The following TG variants were observed in gnomAD, a reference collection of about 807,000 sequenced individuals.
TG encodes the protein thyroglobulin.
In TG, 270 loss-of-function variants were observed where a neutral mutation model predicts 324.7. The ratio of observed to expected loss-of-function variants is 0.83; its 90% confidence interval spans 0.75 to 0.92. The LOEUF is 0.92. Among genes scored for constraint, TG ranks in the 40% least tolerant of loss-of-function variants. The pLI is 0.00. For missense variants in TG, 3,591 were observed against 3,456.4 expected, an observed-to-expected ratio of 1.04 and a Z score of -0.98; for synonymous variants, 1,401 against 1,327.0, an observed-to-expected ratio of 1.06 and a Z score of -1.21.
chr8:133,059,440 T>A (rs949589744), intron 41 of TG, among the ~76,000 whole-genome samples: 4 of 152,228 alleles, frequency 2.6e-5, no homozygotes, highest in African/African-American at 9.6e-5. Context: ...CTCCCAGGCC[T>A]CTGACCAGTT....
chr8:133,029,917 G>T lies in TG; in HGVS notation c.7133G>T (p.Arg2378Leu). The change falls in exon 41 of 48, where the codon CGG (arginine) becomes CTG (leucine). Residue 2378 changes from arginine to leucine, a missense_variant. Transcript: ENST00000220616. ...ATCCGAGGATTTGGCGGGGACCCTC[G>T]GCGCGTGTCCCTGGCAGCAGACCGT... ...THIRGFGGDP[R>L]RVSLAADRGG... 6.2e-7 allele frequency: 1 copy of T among 1,614,186 alleles called. No homozygotes were observed. The highest frequency in any genetic ancestry group is 8.5e-7 in the Non-Finnish European group (1 of 1,180,042).
intron 26 of TG, among the ~76,000 whole-genome samples, chr8:132,947,092 C>T (rs1413364005): frequency 1.3e-5 from 2 of 152,180 alleles, no homozygotes; most frequent in Non-Finnish European, 2.9e-5. Context: ...CAAGCCTGCA[C>T]CTTGCTGAGG....
chr8:133,049,377 T>C, intron 41 of TG: 1 of 312,224 alleles, frequency 3.2e-6, no homozygotes, highest in Non-Finnish European at 6.5e-6. Flanking sequence ...ATGCCTGGCA[T>C]TGCTCCAAGA....
chr8:132,996,912 T>C (rs1183466196), intron 35 of TG, among the ~76,000 whole-genome samples: 1 of 151,258 alleles, frequency 6.6e-6, no homozygotes, highest in Non-Finnish European at 1.5e-5. Flanking sequence ...GGTGTGAGAG[T>C]GGGATGGTAG....
At chr8:133,131,094 C>T (rs1050547293) in intron 45 of TG, among the ~76,000 whole-genome samples, 2 of 152,204 alleles carry the variant, frequency 1.3e-5, no homozygotes, top group African/African-American at 4.8e-5. Context: ...GGGCAAAGCC[C>T]GATTTTTTAC....
chr8:132,923,419 G>T lies in TG; in HGVS notation c.4610G>T (p.Gly1537Val). 1.9e-6 allele frequency: 3 copies of T among 1,614,166 alleles called. No homozygotes were observed. The highest frequency in any genetic ancestry group is 1.7e-5 in the Admixed American group (1 of 60,014). ...GQYRASQKDR[G>V]SGKAFCVDGE... ...TATCGAGCCAGCCAGAAGGACAGGG[G>T]CAGTGGGAAGGCCTTCTGTGTGGAC... is the stretch of plus-strand genomic sequence containing the variant. Residue 1537 changes from glycine (G) to valine (V), a missense_variant, in exon 22 of 48, where the codon GGC (glycine) becomes GTC (valine). Physicochemically the swap from Gly to Val is moderately radical, Grantham distance 109. Coordinates refer to ENST00000220616, the MANE Select transcript of TG (RefSeq NM_003235.5).
intron 45 of TG, among the ~76,000 whole-genome samples, chr8:133,121,034 A>T (rs1851101371): frequency 6.6e-6 from 1 of 152,100 alleles, no homozygotes; most frequent in Non-Finnish European, 1.5e-5. Flanking sequence ...CAACCCAGGG[A>T]ACCTCCCATG....
intron 43 of TG, among the ~76,000 whole-genome samples, chr8:133,096,977 A>G (rs991116776): frequency 1.3e-5 from 2 of 152,218 alleles, no homozygotes; most frequent in African/African-American, 4.8e-5. Flanking sequence ...GGATGTGGCT[A>G]ACCCTGGAAG....
chr8:132,966,516 T>C, intron 29 of TG, 44 bp from the exon 30 acceptor site: 1 of 1,612,472 alleles, frequency 6.2e-7, no homozygotes. Context: ...TCATATTCAC[T>C]AGAGTTAAAG....
At chr8:133,042,906 C>T (rs2131116862) in intron 41 of TG, among the ~76,000 whole-genome samples, 1 of 151,860 alleles carries the variant, frequency 6.6e-6, no homozygotes, top group African/African-American at 2.4e-5. Flanking sequence ...GTTGGTCAGA[C>T]TAGCCTCGAA....
At chr8:132,934,327 C>A (rs1215992481) in intron 24 of TG, among the ~76,000 whole-genome samples, 1 of 118,212 alleles carries the variant, frequency 8.5e-6, no homozygotes, top group Non-Finnish European at 2.0e-5. Context: ...AGAGTGAAGA[C>A]TCCATCAAAA....
chr8:132,957,467 C>T (rs1401146876), intron 27 of TG, among the ~76,000 whole-genome samples: 1 of 152,054 alleles, frequency 6.6e-6, no homozygotes, highest in Admixed American at 6.6e-5. Flanking sequence ...GGGAAGCACC[C>T]ATTTGTCTTT....
chr8:133,094,995 G>A (rs777678105), intron 41 of TG, 49 bp from the exon 42 acceptor site: 2 of 1,611,716 alleles, frequency 1.2e-6, no homozygotes, highest in South Asian at 1.1e-5. Context: ...GGTGAGCAGG[G>A]GCTGAAGATG....
At chr8:133,092,069 T>C (rs942904577) in intron 41 of TG, among the ~76,000 whole-genome samples, 2 of 152,144 alleles carry the variant, frequency 1.3e-5, no homozygotes, top group African/African-American at 2.4e-5. Context: ...GTCTCCTGTG[T>C]TGTGTGATTT....
chr8:133,113,082 G>T (rs1032646410), intron 43 of TG, among the ~76,000 whole-genome samples: 2 of 152,152 alleles, frequency 1.3e-5, no homozygotes, highest in Non-Finnish European at 2.9e-5. Context: ...GAAACTCGGG[G>T]GTTTGACCTG....
At chr8:133,043,472 A>T (rs141835275) in intron 41 of TG, among the ~76,000 whole-genome samples, 1 of 152,332 alleles carries the variant, frequency 6.6e-6, no homozygotes, top group Non-Finnish European at 1.5e-5. Context: ...CGGATATCAC[A>T]AGTAATATGT....
intron 41 of TG, chr8:133,060,438 G>T: frequency 4.3e-6 from 6 of 1,406,504 alleles, no homozygotes; most frequent in Non-Finnish European, 5.7e-6. Context: ...AAATGCTGTT[G>T]GTGGCAAAAG....
At chr8:132,878,957 G>C (rs901817040) in intron 5 of TG, among the ~76,000 whole-genome samples, 10 of 152,184 alleles carry the variant, frequency 6.6e-5, no homozygotes, top group African/African-American at 2.2e-4. Context: ...CAGGGCTTTG[G>C]GTTCGGTCTC....
At chr8:133,029,672 G>A in intron 40 of TG, 149 bp from the exon 41 acceptor site, 4 of 927,078 alleles carry the variant, frequency 4.3e-6, no homozygotes, top group Non-Finnish European at 6.8e-6. Flanking sequence ...GTTCCTCACT[G>A]TATTTGGAAC....
Sources: allele counts gnomAD v4.1 joint callset (sites outside exome capture counted in the v4.1 genomes callset), GRCh38; gene constraint gnomAD v4.1.1; transcripts MANE v1.5; gene names NCBI Gene and HGNC (gene_info 2026-07-23, HGNC 2026-07-21).